The following PHEX variants were observed in gnomAD, a reference collection of about 807,000 sequenced individuals.
PHEX encodes the protein phosphate-regulating neutral endopeptidase PHEX.
In PHEX, 16 loss-of-function variants were observed where a neutral mutation model predicts 68.0. That is an observed-to-expected ratio of 0.24 (90% CI 0.16 to 0.36). The LOEUF (loss-of-function observed/expected upper bound fraction) is 0.36, where lower values mean the gene tolerates loss of function less well. PHEX is among the 10% of genes least tolerant of loss of function. The pLI is 1.00. For missense variants in PHEX, 480 were observed against 575.5 expected, an observed-to-expected ratio of 0.83 and a Z score of 1.70; for synonymous variants, 208 against 205.1, an observed-to-expected ratio of 1.01 and a Z score of -0.12.
intron 14 of PHEX, among the ~76,000 whole-genome samples, chrX:22,180,975 T>TA (rs776219684): frequency 5.2e-4 from 58 of 112,359 alleles, no homozygotes; most frequent in Non-Finnish European, 8.1e-4. Context: ...TGTATATATA[T>TA]ACCACATTTT....
chrX:22,152,309 G>A (rs1932867201), intron 12 of PHEX, among the ~76,000 whole-genome samples: 1 of 111,691 alleles, frequency 9.0e-6, no homozygotes, highest in Non-Finnish European at 1.9e-5. Flanking sequence ...ACTTAGCACA[G>A]TACCTGGTTT....
At chrX:22,158,136 G>T (rs1246541478) in intron 12 of PHEX, among the ~76,000 whole-genome samples, 1 of 112,105 alleles carries the variant, frequency 8.9e-6, no homozygotes, top group Non-Finnish European at 1.9e-5. Flanking sequence ...GCTCCGCTTA[G>T]GGTAATATCT....
At chrX:22,132,409 A>C (rs1417263334) in intron 11 of PHEX, among the ~76,000 whole-genome samples, 1 of 111,773 alleles carries the variant, frequency 8.9e-6, no homozygotes, top group Non-Finnish European at 1.9e-5. Context: ...CCCCTGGCCT[A>C]TACCTACCCT....
At chrX:22,235,996 C>T (rs758299405) in intron 20 of PHEX, among the ~76,000 whole-genome samples, 9 of 111,588 alleles carry the variant, frequency 8.1e-5, no homozygotes, top group Non-Finnish European at 1.3e-4. Context: ...TCCACTCAAT[C>T]CAATTCAATT....
intron 2 of PHEX, among the ~76,000 whole-genome samples, chrX:22,041,859 C>T (rs755502289): frequency 6.1e-4 from 68 of 111,756 alleles, no homozygotes; most frequent in Non-Finnish European, 6.6e-4. Context: ...CTAAAACTTA[C>T]AGACTGACAT....
chrX:22,232,596 C>CTTTTTTTTTTT lies in PHEX; in HGVS notation c.2070+5005_2070+5015dup, dbSNP rs745474280. Among the ~76,000 whole-genome samples, 46 of 18,547 alleles carry CTTTTTTTTTTT rather than the reference C, an allele frequency of 2.5e-3. 9 individuals carry two copies. The highest frequency in any genetic ancestry group is 3.2e-3 in the Non-Finnish European group (31 of 9,736). The allele number at this position is 18,547 out of a possible 115,157, so 16.1% of individuals were successfully genotyped here. ...TCAGAGATTAGGATTGCCACTTCTG[C>CTTTTTTTTTTT]TTTTTTTTTTTTTTTTTTTTTTTTT... is the stretch of plus-strand genomic sequence containing the variant. On this transcript the variant is annotated intron_variant, in intron 20 of 21. Coordinates refer to ENST00000379374, the MANE Select transcript of PHEX (RefSeq NM_000444.6).
intron 12 of PHEX, among the ~76,000 whole-genome samples, chrX:22,152,472 C>T (rs930206877): frequency 9.0e-6 from 1 of 111,484 alleles, no homozygotes; most frequent in Non-Finnish European, 1.9e-5. Context: ...GACCCTCTAC[C>T]TTCTTCTGTT....
chrX:22,048,592 A>C (rs918090530), intron 3 of PHEX, among the ~76,000 whole-genome samples: 4 of 111,811 alleles, frequency 3.6e-5, no homozygotes, highest in African/African-American at 1.3e-4. Flanking sequence ...TAACCCAAAG[A>C]TTTCTATATT....
chrX:22,170,402 A>G (rs1489995049), intron 13 of PHEX, among the ~76,000 whole-genome samples: 1 of 111,397 alleles, frequency 9.0e-6, no homozygotes, highest in African/African-American at 3.3e-5. Context: ...CCAGTCTACC[A>G]TGTACCACCT....
chrX:22,101,528 A>G (rs1930426550), intron 9 of PHEX, among the ~76,000 whole-genome samples: 1 of 112,073 alleles, frequency 8.9e-6, no homozygotes, highest in Non-Finnish European at 1.9e-5. Context: ...CAGTCTGAAC[A>G]TGGGTGTCCC....
At chrX:22,239,593 T>C (rs991049149) in intron 20 of PHEX, among the ~76,000 whole-genome samples, 30 of 110,391 alleles carry the variant, frequency 2.7e-4, no homozygotes, top group Non-Finnish European at 1.5e-4. Flanking sequence ...TTGTGAAGCA[T>C]ACACAAGTAT....
In PHEX at chrX:22,038,534, G is replaced by A; in HGVS notation, c.184G>A (p.Ala62Thr). 1 of 1,167,827 alleles carries A rather than the reference G, an allele frequency of 8.6e-7. No homozygotes were observed. Among genetic ancestry groups the A allele is most frequent in the Non-Finnish European group, 1.2e-6 (1 of 855,535 alleles). The change falls in exon 2 of 22, where the codon GCG (alanine) becomes ACG (threonine). Residue 62 changes from alanine to threonine, a missense_variant. Transcript: ENST00000379374. Reference protein sequence around the residue: ...EYCLKPECIEAAAAILSKVNL... With the variant: ...EYCLKPECIETAAAILSKVNL... ...CTGCCTGAAGCCAGAATGCATCGAA[G>A]CGGGTAAGTCACAGTTTTCCATCCT...
intron 20 of PHEX, among the ~76,000 whole-genome samples, chrX:22,244,558 C>T (rs992027433): frequency 3.0e-4 from 33 of 111,109 alleles, no homozygotes; most frequent in African/African-American, 9.2e-4. Flanking sequence ...GCCAAGATTG[C>T]GCCATTGCAC....
chrX:22,111,175 G>T (rs1318059427), intron 9 of PHEX, among the ~76,000 whole-genome samples: 1 of 112,393 alleles, frequency 8.9e-6, no homozygotes, highest in Non-Finnish European at 1.9e-5. Context: ...ACGAAAGGCT[G>T]TGTAACAGTG....
chrX:22,162,121 T>C (rs1387278093), intron 12 of PHEX, among the ~76,000 whole-genome samples: 2 of 111,942 alleles, frequency 1.8e-5, no homozygotes, highest in Non-Finnish European at 3.8e-5. Flanking sequence ...TTTGGTAGTG[T>C]TTCTTGTGTC....
At position 22,226,346 on chromosome X, in the gene PHEX, AT is replaced by A; in HGVS notation, c.1900-96del. 15 of 609,309 alleles carry A rather than the reference AT, an allele frequency of 2.5e-5. No homozygotes were observed. The South Asian group carries it at 3.3e-4, about 13-fold the overall frequency. 50.2% of individuals were successfully genotyped at this position (609,309 alleles called of 1,213,427 possible). The stretch of plus-strand genomic sequence containing the variant: ...AATGTGATTTTCTCTTTAAAATATG[AT>A]ACTTTTCTTGCTATAATATTGATGC... On this transcript the variant is annotated intron_variant, in intron 18 of 21. Coordinates refer to ENST00000379374, the MANE Select transcript of PHEX (RefSeq NM_000444.6).
At chrX:22,143,328 T>C (rs1932545384) in intron 12 of PHEX, among the ~76,000 whole-genome samples, 1 of 112,028 alleles carries the variant, frequency 8.9e-6, no homozygotes, top group Non-Finnish European at 1.9e-5. Flanking sequence ...ATATTCACAG[T>C]GATGGGCACT....
chrX:22,135,967 G>C lies in PHEX; in HGVS notation c.1404+2343G>C, dbSNP rs754049317. 1.7e-4 allele frequency among the ~76,000 whole-genome samples: 19 copies of C among 111,303 alleles called. 1 individual carries two copies. The highest frequency in any genetic ancestry group is 1.5e-3 in the Admixed American group (16 of 10,473). ...AGTTTCTTTAACGAAATGCAAGAAA[G>C]ATGGATGTTGTTGAAGCAATTTCAG... On this transcript the variant is annotated intron_variant, in intron 12 of 21. Coordinates refer to ENST00000379374, the MANE Select transcript of PHEX (RefSeq NM_000444.6).
chrX:22,159,770 T>G (rs1466217187), intron 12 of PHEX, among the ~76,000 whole-genome samples: 1 of 112,222 alleles, frequency 8.9e-6, no homozygotes, highest in African/African-American at 3.2e-5. Flanking sequence ...CAGAAAAAGT[T>G]TGGTTATTCC....
Sources: allele counts gnomAD v4.1 joint callset (sites outside exome capture counted in the v4.1 genomes callset), GRCh38; gene constraint gnomAD v4.1.1; transcripts MANE v1.5; gene names NCBI Gene and HGNC (gene_info 2026-07-23, HGNC 2026-07-21).